TCP11: variants seen among roughly 807,000 people sequenced by gnomAD.
The protein encoded by TCP11 is T-complex protein 11 homolog.
In TCP11, 34 loss-of-function variants were observed where a neutral mutation model predicts 45.0. The ratio of observed to expected loss-of-function variants is 0.76; its 90% confidence interval spans 0.57 to 1.01. The LOEUF (loss-of-function observed/expected upper bound fraction) is 1.01. Ranked by LOEUF, TCP11 falls within the 50% of genes least tolerant of loss-of-function variation. TCP11 has a pLI of 0.00. For synonymous variants in TCP11, 227 were observed against 227.0 expected (o/e 1.00, Z 0.00); for missense variants, 523 against 598.1 (o/e 0.87, Z 1.31).
In TCP11 at chr6:35,125,806, TAATAAG is replaced by T. The variant is rs1332838843; in HGVS notation, c.357+3250_357+3255del. The stretch of plus-strand genomic sequence containing the variant: ...ATGAACAAAATGTATTCTATCCATA[TAATAAG>T]AATATTATTCAGCCATAAAAAGGAA... On this transcript the variant is annotated intron_variant, in intron 4 of 9. Transcript: ENST00000311875. Among the ~76,000 whole-genome samples, 4 of 152,334 alleles carry T rather than the reference TAATAAG, an allele frequency of 2.6e-5. No homozygotes were observed. In the East Asian group the frequency reaches 7.7e-4, roughly 29 times the overall value.
Position 35,122,805 on chromosome 6 carries a change from C to T in TCP11, c.358-468G>A, listed in dbSNP as rs149778642. Among the ~76,000 whole-genome samples, 26 of 152,300 alleles carry T rather than the reference C, an allele frequency of 1.7e-4. No homozygotes were observed. The East Asian group carries it at 5.0e-3, about 29-fold the overall frequency. On this transcript the variant is annotated intron_variant, in intron 4 of 9. Coordinates refer to ENST00000311875, the MANE Select transcript of TCP11 (RefSeq NM_001370687.1). ...GTAAACAGGGACTCTTATTCATCCC[C>T]TGCCTCTGTAACACACAGGACATGG... is the stretch of plus-strand genomic sequence containing the variant.
chr6:35,122,077 G>A, intron 5 of TCP11, 40 bp downstream of exon 5: 1 of 1,604,098 alleles, frequency 6.2e-7, no homozygotes, highest in Non-Finnish European at 8.5e-7. Flanking sequence ...CGGGCTCAGG[G>A]GCTAAAGCAG....
At position 35,122,204 on chromosome 6, in the gene TCP11, A is replaced by G. The variant is rs1779346382; in HGVS notation, c.491T>C (p.Leu164Pro). Residue 164 changes from leucine to proline, a missense_variant, in exon 5 of 10, where the codon CTC (leucine) becomes CCC (proline). Coordinates refer to ENST00000311875, the MANE Select transcript of TCP11 (RefSeq NM_001370687.1). ...LKVLYLSKYV[L>P]NMMALLCAPV... ...TGCACACAGCAAAGCCATCATGTTG[A>G]GAACGTACTTAGAGAGATAGAGGAC... The G allele has an allele frequency of 1.2e-6, 2 of 1,614,094 alleles. No individual in the cohort carries two copies. Among genetic ancestry groups the G allele is most frequent in the African/African-American group, 2.7e-5 (2 of 74,938 alleles).
At position 35,134,291 on chromosome 6, in the gene TCP11, TTTTG is replaced by T. The variant is rs1449814436; in HGVS notation, c.236+1812_236+1815del. Reference sequence around the variant, plus strand: ...CCATAAGCTTTTTTTTTTTTTTTTTTTTTGGTTTTGTTTTGAGATGGAGTCTCAA... The same window carrying T: ...CCATAAGCTTTTTTTTTTTTTTTTTTGTTTTGTTTTGAGATGGAGTCTCAA... On this transcript the variant is annotated intron_variant, in intron 3 of 9. Coordinates refer to ENST00000311875, the MANE Select transcript of TCP11 (RefSeq NM_001370687.1). 1.9e-3 allele frequency among the ~76,000 whole-genome samples: 271 copies of T among 140,504 alleles called. 1 individual carries two copies. The highest frequency in any genetic ancestry group is 5.6e-3 in the African/African-American group (196 of 35,258). 92.2% of individuals were successfully genotyped at this position (140,504 alleles called of 152,430 possible).
In TCP11 at chr6:35,118,277, A is replaced by G. The variant is rs763698528; in HGVS notation, c.1504T>C (p.Ser502Pro). The G allele has an allele frequency of 6.2e-7, 1 of 1,613,670 alleles. No homozygotes were observed. The change falls in exon 10 of 10, where the codon TCT becomes CCT. Residue 502 changes from serine (S) to proline (P), a missense_variant. Coordinates refer to ENST00000311875, the MANE Select transcript of TCP11 (RefSeq NM_001370687.1). ...GCTCTGAGCCGACGCTATCAAACAG[A>G]CTCCACTTTTGTTTCCAGTGCCTGG... ...PAQALETKVE[S>P]V
intron 2 of TCP11, chr6:35,140,344 G>A: frequency 4.3e-6 from 3 of 702,616 alleles, no homozygotes; most frequent in East Asian, 3.6e-5. Context: ...AACCGAGCTA[G>A]AGACTGGGCC....
At chr6:35,134,824 C>T (rs924894980) in intron 3 of TCP11, among the ~76,000 whole-genome samples, 1 of 151,986 alleles carries the variant, frequency 6.6e-6, no homozygotes, top group Non-Finnish European at 1.5e-5. Context: ...TGAGGGTGGG[C>T]AGGATGTAAT....
chr6:35,126,548 G>C, intron 4 of TCP11, among the ~76,000 whole-genome samples: 1 of 151,088 alleles, frequency 6.6e-6, no homozygotes, highest in East Asian at 2.0e-4. Flanking sequence ...CTAAAAAGTA[G>C]AATGGCTTAT....
At chr6:35,122,987 T>G (rs776033791) in intron 4 of TCP11, among the ~76,000 whole-genome samples, 2 of 152,196 alleles carry the variant, frequency 1.3e-5, no homozygotes, top group Non-Finnish European at 2.9e-5. Flanking sequence ...AGTTACCAAT[T>G]TGGAGCCTCT....
intron 9 of TCP11, among the ~76,000 whole-genome samples, chr6:35,118,928 G>A (rs67335721): frequency 0.18 from 27,241 of 151,956 alleles, 3,017 homozygotes; most frequent in African/African-American, 0.29. Flanking sequence ...TGGGAGATGG[G>A]GGAATGTCAG....
chr6:35,134,987 A>C (rs1030181988), intron 3 of TCP11, among the ~76,000 whole-genome samples: 1 of 152,128 alleles, frequency 6.6e-6, no homozygotes, highest in Non-Finnish European at 1.5e-5. Flanking sequence ...ATCTCCACTA[A>C]AAATACAAAA....
intron 3 of TCP11, among the ~76,000 whole-genome samples, chr6:35,130,650 GA>G (rs536097417): frequency 6.9e-5 from 10 of 145,090 alleles, no homozygotes; most frequent in African/African-American, 5.1e-5. Flanking sequence ...ACAACAAAAA[GA>G]AAAAAAAAAG....
At chr6:35,138,610 G>A (rs1262114236) in intron 2 of TCP11, among the ~76,000 whole-genome samples, 1 of 151,838 alleles carries the variant, frequency 6.6e-6, no homozygotes, top group Non-Finnish European at 1.5e-5. Context: ...GGGTTGGGGG[G>A]TTGCAGGGAA....
At chr6:35,138,204 G>A (rs1319969264) in intron 2 of TCP11, among the ~76,000 whole-genome samples, 2 of 152,126 alleles carry the variant, frequency 1.3e-5, no homozygotes, top group Non-Finnish European at 2.9e-5. Flanking sequence ...TAAAAATAGA[G>A]CTACCACATG....
intron 4 of TCP11, among the ~76,000 whole-genome samples, chr6:35,122,675 G>A (rs1466055739): frequency 6.6e-6 from 1 of 152,080 alleles, no homozygotes; most frequent in Non-Finnish European, 1.5e-5. Context: ...CTTTAAAAGG[G>A]AGGCATTTTT....
At chr6:35,122,452 TTGGGTCCCTAAATTTCCCA>T in intron 4 of TCP11, 115 bp from the exon 5 acceptor site, 1 of 923,114 alleles carries the variant, frequency 1.1e-6, no homozygotes, top group Non-Finnish European at 1.6e-6. Context: ...GATCAAGAAG[TTGGGTCCCTAAATTTCCCA>T]TGGAATATTA....
chr6:35,128,095 T>C (rs1780026611), intron 4 of TCP11, among the ~76,000 whole-genome samples: 1 of 152,162 alleles, frequency 6.6e-6, no homozygotes, highest in Non-Finnish European at 1.5e-5. Context: ...TTACTGTGGG[T>C]CAGAAGTACA....
Position 35,140,789 on chromosome 6 carries a change from G to GT in TCP11, c.81dup (p.Pro28ThrfsTer26). On this transcript the variant is annotated frameshift_variant, in exon 2 of 10. Coordinates refer to ENST00000311875, the MANE Select transcript of TCP11 (RefSeq NM_001370687.1). LOFTEE classifies it high-confidence loss of function. ...GAGCCGCTCTTGTCTTCCTGGGGGG[G>GT]TCCTGAGGTTTCGGGCTTACAGGAC... is the stretch of plus-strand genomic sequence containing the variant. 6.5e-7 allele frequency: 1 copy of GT among 1,535,460 alleles called. No individual in the cohort carries two copies. Among genetic ancestry groups the GT allele is most frequent in the Non-Finnish European group, 8.7e-7 (1 of 1,146,434 alleles).
At chr6:35,121,117 T>A (rs955674556) in intron 5 of TCP11, 72 bp from the exon 6 acceptor site, 2 of 1,474,436 alleles carry the variant, frequency 1.4e-6, no homozygotes, top group Admixed American at 2.1e-5. Context: ...TAAATCACTG[T>A]ATTTTAGAGT....
Sources: gnomAD v4.1 joint callset for allele counts (sites outside exome capture counted in the v4.1 genomes callset) on GRCh38, gnomAD v4.1.1 for gene constraint, MANE v1.5 for transcripts, NCBI Gene and HGNC (gene_info 2026-07-23, HGNC 2026-07-21) for gene names.